ALK: variants seen among roughly 807,000 people sequenced by gnomAD.
ALK encodes ALK tyrosine kinase receptor.
Under a neutral mutation model 163.1 loss-of-function variants are expected in ALK, and 74 were observed. That is an observed-to-expected ratio of 0.45 (90% CI 0.38 to 0.55). The LOEUF (loss-of-function observed/expected upper bound fraction) is 0.55. ALK is among the 20% of genes least tolerant of loss of function. The pLI is 0.00. For missense variants in ALK, 2,063 were observed against 2,105.3 expected (o/e 0.98, Z 0.39); for synonymous variants, 960 against 843.2 (o/e 1.14, Z -2.40).
chr2:29,787,122 G>A (rs945221475), intron 1 of ALK, among the ~76,000 whole-genome samples: 27 of 152,142 alleles, frequency 1.8e-4, no homozygotes, highest in African/African-American at 6.5e-4. Flanking sequence ...GAAAGGGAAT[G>A]GAAGCCCCCT....
chr2:29,197,746 C>A (rs543861648), intron 26 of ALK, 70 bp from the exon 27 acceptor site: 50 of 1,259,320 alleles, frequency 4.0e-5, no homozygotes, highest in South Asian at 3.2e-4. Flanking sequence ...CACACACAGG[C>A]ACACAGACAT....
chr2:29,276,904 G>A (rs1441053130), intron 9 of ALK, among the ~76,000 whole-genome samples: 2 of 152,188 alleles, frequency 1.3e-5, no homozygotes, highest in African/African-American at 4.8e-5. Context: ...AAACGGGATT[G>A]TGGTGCTCTC....
intron 5 of ALK, among the ~76,000 whole-genome samples, chr2:29,354,055 CACTGACTTT>C (rs554979788): frequency 7.7e-4 from 117 of 152,340 alleles, no homozygotes; most frequent in African/African-American, 2.6e-3. Flanking sequence ...ACCAGCCTTT[CACTGACTTT>C]TATAGCTTTT....
chr2:29,391,348 C>A (rs1669167502), intron 4 of ALK, among the ~76,000 whole-genome samples: 1 of 149,750 alleles, frequency 6.7e-6, no homozygotes. Flanking sequence ...GTCACCCAGG[C>A]TGGAGTGCAG....
At chr2:29,307,229 G>C (rs1180814029) in intron 8 of ALK, among the ~76,000 whole-genome samples, 6 of 152,220 alleles carry the variant, frequency 3.9e-5, no homozygotes, top group African/African-American at 7.2e-5. Context: ...AAGAGACTCA[G>C]TGACATCAAA....
At chr2:29,728,655 T>C (rs1234825075) in intron 1 of ALK, among the ~76,000 whole-genome samples, 1 of 152,014 alleles carries the variant, frequency 6.6e-6, no homozygotes, top group Non-Finnish European at 1.5e-5. Context: ...CTTAACCAGA[T>C]GAGTAGAGTT....
chr2:29,854,408 C>T lies in ALK; in HGVS notation c.667+65585G>A, dbSNP rs376401681. 2.0e-4 allele frequency among the ~76,000 whole-genome samples: 31 copies of T among 152,164 alleles called. No homozygotes were observed. In the East Asian group the frequency reaches 4.8e-3, roughly 24 times the overall value. ...GTTGTTTAAAGGAGCCTGGAACCTCCCCCTCTCTCTCTCTTAAGAGCTCCC... is the reference window on the plus strand; with the variant it reads ...GTTGTTTAAAGGAGCCTGGAACCTCTCCCTCTCTCTCTCTTAAGAGCTCCC... On this transcript the variant is annotated intron_variant, in intron 1 of 28. Coordinates refer to ENST00000389048, the MANE Select transcript of ALK (RefSeq NM_004304.5).
intron 4 of ALK, among the ~76,000 whole-genome samples, chr2:29,449,920 C>T (rs921213899): frequency 1.3e-5 from 2 of 152,174 alleles, no homozygotes; most frequent in African/African-American, 2.4e-5. Flanking sequence ...GAATTGGGAA[C>T]ATAGGTCTTG....
chr2:29,565,847 G>A (rs1294057351), intron 3 of ALK, among the ~76,000 whole-genome samples: 1 of 152,128 alleles, frequency 6.6e-6, no homozygotes, highest in East Asian at 1.9e-4. Context: ...TTTGATATTG[G>A]CGAGATTAAA....
At chr2:29,389,438 T>A (rs530581814) in intron 4 of ALK, among the ~76,000 whole-genome samples, 6 of 152,224 alleles carry the variant, frequency 3.9e-5, no homozygotes, top group African/African-American at 9.6e-5. Flanking sequence ...ACATAGACAG[T>A]GTGTGTTTGG....
intron 4 of ALK, among the ~76,000 whole-genome samples, chr2:29,502,634 C>G (rs1314751790): frequency 6.6e-6 from 1 of 152,136 alleles, no homozygotes; most frequent in African/African-American, 2.4e-5. Context: ...CAGCACCGGC[C>G]TGGGTATCTG....
Position 29,345,115 on chromosome 2 carries a change from C to T in ALK, c.1283-16634G>A, listed in dbSNP as rs141396019. ...AAAGACTTGAAAATAATACCCAGGC[C>T]GGGCGCAGTGGCTCACATCTGTAAT... is the stretch of plus-strand genomic sequence containing the variant. On this transcript the variant is annotated intron_variant, in intron 5 of 28. Coordinates refer to ENST00000389048, the MANE Select transcript of ALK (RefSeq NM_004304.5). Among the ~76,000 whole-genome samples, 11 of 152,196 alleles carry T rather than the reference C, an allele frequency of 7.2e-5. No homozygotes were observed. The South Asian group carries it at 8.3e-4, about 11-fold the overall frequency.
At chr2:29,695,043 A>G (rs1678514689) in intron 2 of ALK, 29 bp from the exon 3 acceptor site, 2 of 1,613,712 alleles carry the variant, frequency 1.2e-6, no homozygotes, top group Non-Finnish European at 1.7e-6. Flanking sequence ...GTCAATGGAA[A>G]AAACCATTTC....
At chr2:29,322,358 C>A (rs1667085032) in intron 6 of ALK, among the ~76,000 whole-genome samples, 1 of 151,944 alleles carries the variant, frequency 6.6e-6, no homozygotes, top group African/African-American at 2.4e-5. Context: ...TTTATACCCC[C>A]CTGAAGAAAT....
chr2:29,672,054 CTTTTTT>C (rs34783503), intron 3 of ALK, among the ~76,000 whole-genome samples: 7 of 142,462 alleles, frequency 4.9e-5, no homozygotes, highest in African/African-American at 1.8e-4. Flanking sequence ...AGGACATTTT[CTTTTTT>C]TTTTTTTCAT....
chr2:29,575,705 T>C (rs1674505206), intron 3 of ALK, among the ~76,000 whole-genome samples: 1 of 152,194 alleles, frequency 6.6e-6, no homozygotes, highest in Non-Finnish European at 1.5e-5. Flanking sequence ...AGAGAAGCAG[T>C]GCTGAATTCC....
intron 3 of ALK, among the ~76,000 whole-genome samples, chr2:29,674,723 T>A (rs905597195): frequency 6.6e-6 from 1 of 150,776 alleles, no homozygotes; most frequent in African/African-American, 2.4e-5. Flanking sequence ...TCTTTTTCTA[T>A]TGATTGGAAT....
chr2:29,619,531 T>C (rs1015326412), intron 3 of ALK, among the ~76,000 whole-genome samples: 2 of 152,120 alleles, frequency 1.3e-5, no homozygotes, highest in African/African-American at 2.4e-5. Flanking sequence ...GACAACACCA[T>C]TGAAAGGGCC....
rs767630195 is a variant in ALK, at chr2:29,717,617, T to C, written c.748A>G (p.Lys250Glu). ...TGAGACAGGAAAGGGAAGGAGTCTT[T>C]CATTATCCAGGTGAGATTCCATGTA... Reference protein sequence around the residue: ...YFTWNLTWIMKDSFPFLSHRS... With the variant: ...YFTWNLTWIMEDSFPFLSHRS... Residue 250 changes from lysine (K) to glutamate (E), a missense_variant, in exon 2 of 29, where the codon AAA becomes GAA. By Grantham distance (56) the Lys-to-Glu change is moderately conservative (BLOSUM62 1). This residue lies in a region of ALK where 987 missense variants were observed against 939.5 expected (regional missense o/e 1.05). Transcript: ENST00000389048. 9.9e-6 allele frequency: 16 copies of C among 1,613,958 alleles called. 1 individual carries two copies. In the South Asian group the frequency reaches 1.8e-4, roughly 18 times the overall value.
Sources: gnomAD v4.1 joint callset for allele counts (sites outside exome capture counted in the v4.1 genomes callset) on GRCh38, gnomAD v4.1.1 for gene constraint, gnomAD v4.1.1 regional missense constraint, MANE v1.5 for transcripts, NCBI Gene and HGNC (gene_info 2026-07-23, HGNC 2026-07-21) for gene names.